Variants in RBFOX1 observed in about 807,000 individuals in gnomAD.
RBFOX1 encodes RNA binding protein fox-1 homolog 1.
Under a neutral mutation model 57.7 loss-of-function variants are expected in RBFOX1, and 8 were observed. The ratio of observed to expected loss-of-function variants is 0.14; its 90% CI spans 0.08 to 0.25. The LOEUF (loss-of-function observed/expected upper bound fraction) is 0.25, where lower values mean the gene tolerates loss of function less well. Among genes scored for constraint, RBFOX1 ranks in the 10% least tolerant of loss-of-function variants. The probability of loss-of-function intolerance (pLI) is 1.00; values close to 1 mark genes in which losing one functional copy is unlikely to be tolerated. For missense variants in RBFOX1, 611 were observed against 548.5 expected (o/e 1.11, Z -1.14); for synonymous variants, 326 against 222.4 (o/e 1.47, Z -4.15).
chr16:6,742,536 A>G (rs1475939549), intron 3 of RBFOX1, among the ~76,000 whole-genome samples: 1 of 152,182 alleles, frequency 6.6e-6, no homozygotes, highest in Non-Finnish European at 1.5e-5. Context: ...GCTATACACA[A>G]TTATTGTCAG....
chr16:7,332,968 G>C, intron 4 of RBFOX1: 1 of 1,612,826 alleles, frequency 6.2e-7, no homozygotes, highest in Non-Finnish European at 8.5e-7. Flanking sequence ...TTGATGTGTT[G>C]AGCTTCAGAG....
At chr16:6,376,957 A>C (rs2091252088) in intron 2 of RBFOX1, among the ~76,000 whole-genome samples, 1 of 150,866 alleles carries the variant, frequency 6.6e-6, no homozygotes, top group African/African-American at 2.4e-5. Context: ...CTGTCTCCAA[A>C]CTTCCTTCTT....
At chr16:6,030,657 C>A (rs140782749) in intron 1 of RBFOX1, among the ~76,000 whole-genome samples, 29 of 152,236 alleles carry the variant, frequency 1.9e-4, no homozygotes, top group African/African-American at 6.7e-4. Context: ...CTTTAAAACA[C>A]CAGGAACCCT....
intron 1 of RBFOX1, among the ~76,000 whole-genome samples, chr16:5,380,171 C>G (rs1230004000): frequency 6.6e-6 from 1 of 152,246 alleles, no homozygotes; most frequent in African/African-American, 2.4e-5. Flanking sequence ...TGACAGCATC[C>G]TCCGCCTGGC....
At chr16:6,663,873 A>G (rs1185580052) in intron 3 of RBFOX1, among the ~76,000 whole-genome samples, 1 of 152,214 alleles carries the variant, frequency 6.6e-6, no homozygotes, top group Admixed American at 6.5e-5. Flanking sequence ...TGGCATGACT[A>G]AGGAACTGAA....
intron 2 of RBFOX1, among the ~76,000 whole-genome samples, chr16:6,552,486 C>A (rs1056829315): frequency 2.6e-5 from 4 of 152,112 alleles, no homozygotes; most frequent in African/African-American, 9.7e-5. Flanking sequence ...ATACTACCTG[C>A]AAAGTATTCA....
At chr16:5,438,614 G>A (rs187155949) in intron 1 of RBFOX1, among the ~76,000 whole-genome samples, 4 of 152,070 alleles carry the variant, frequency 2.6e-5, no homozygotes, top group South Asian at 2.1e-4. Flanking sequence ...TAGACCACAC[G>A]GGTTTCACCT....
intron 5 of RBFOX1, among the ~76,000 whole-genome samples, chr16:7,525,099 C>T (rs567831599): frequency 8.5e-5 from 13 of 152,240 alleles, no homozygotes; most frequent in African/African-American, 3.1e-4. Context: ...AAGCATATGC[C>T]TGCTTGTCCT....
rs2098694067 is a variant in RBFOX1, at chr16:6,660,453, T to G, written c.-16+5803T>G. Among the ~76,000 whole-genome samples, 2 of 152,000 alleles carry G rather than the reference T, an allele frequency of 1.3e-5. 1 individual carries two copies. The highest frequency in any genetic ancestry group is 4.1e-4 in the South Asian group (2 of 4,824). On this transcript the variant is annotated intron_variant, in intron 3 of 15. Coordinates refer to ENST00000550418, the MANE Select transcript of RBFOX1 (RefSeq NM_018723.4). Reference sequence around the variant, plus strand: ...GTAATGGTTAGTAGCTCAGACAAATTAAGTCACTTGCCCAGGATTATTCAG... The same window carrying G: ...GTAATGGTTAGTAGCTCAGACAAATGAAGTCACTTGCCCAGGATTATTCAG...
chr16:6,672,307 A>G (rs181114870), intron 3 of RBFOX1, among the ~76,000 whole-genome samples: 1 of 152,094 alleles, frequency 6.6e-6, no homozygotes, highest in East Asian at 1.9e-4. Context: ...AATATAAAAT[A>G]ACCATACAAA....
intron 1 of RBFOX1, among the ~76,000 whole-genome samples, chr16:5,245,287 G>T (rs903919046): frequency 6.6e-6 from 1 of 152,204 alleles, no homozygotes; most frequent in Admixed American, 6.5e-5. Flanking sequence ...TCTCAGGGCT[G>T]ACAGTGTCAG....
intron 3 of RBFOX1, among the ~76,000 whole-genome samples, chr16:5,709,087 C>T (rs1251727679): frequency 6.6e-6 from 1 of 152,160 alleles, no homozygotes; most frequent in Non-Finnish European, 1.5e-5. Flanking sequence ...TCACATTCTA[C>T]TCTTGCCTAA....
At chr16:5,636,097 C>T in intron 3 of RBFOX1, among the ~76,000 whole-genome samples, 1 of 152,124 alleles carries the variant, frequency 6.6e-6, no homozygotes. Flanking sequence ...CCTGTAACCC[C>T]AGCACTTTGG....
chr16:7,161,730 T>A lies in RBFOX1; in HGVS notation c.27+109632T>A, dbSNP rs536225402. On this transcript the variant is annotated intron_variant, in intron 4 of 15. Transcript: ENST00000550418. ...TGTCCTTCATTTGAGCAGCTTCCTT[T>A]ATGACTCATCTTTCTAGAATCTTGC... Among the ~76,000 whole-genome samples the A allele has an allele frequency of 3.9e-5, 6 of 152,312 alleles. 1 individual carries two copies. In the South Asian group the frequency reaches 6.2e-4, roughly 16 times the overall value.
At chr16:7,025,046 GCAAGA>G (rs1435484966) in intron 3 of RBFOX1, among the ~76,000 whole-genome samples, 1 of 152,090 alleles carries the variant, frequency 6.6e-6, no homozygotes, top group Non-Finnish European at 1.5e-5. Context: ...CAGATCTCCC[GCAAGA>G]CAAGAGTTGA....
At chr16:5,334,087 G>A (rs1362370193) in intron 1 of RBFOX1, among the ~76,000 whole-genome samples, 1 of 152,194 alleles carries the variant, frequency 6.6e-6, no homozygotes, top group Non-Finnish European at 1.5e-5. Flanking sequence ...TACAGACTAA[G>A]AGTATTTAAG....
chr16:7,313,913 C>A (rs1400211342), intron 4 of RBFOX1, among the ~76,000 whole-genome samples: 1 of 152,176 alleles, frequency 6.6e-6, no homozygotes, highest in African/African-American at 2.4e-5. Flanking sequence ...GGAGAGACCT[C>A]TGCCAGGTTC....
At chr16:6,270,437 A>G (rs1263149718) in intron 1 of RBFOX1, among the ~76,000 whole-genome samples, 1 of 148,590 alleles carries the variant, frequency 6.7e-6, no homozygotes, top group Non-Finnish European at 1.5e-5. Context: ...TAGCTATATT[A>G]TCAGATAAAG....
In RBFOX1 at chr16:5,612,485, C is replaced by A. The variant is rs560483693; in HGVS notation, c.318+13524C>A. Among the ~76,000 whole-genome samples the A allele has an allele frequency of 1.5e-3, 233 of 152,294 alleles. 1 individual carries two copies. The highest frequency in any genetic ancestry group is 5.1e-3 in the African/African-American group (213 of 41,552). On this transcript the variant is annotated intron_variant, in intron 3 of 19. Transcript: ENST00000641259. ...GACAGAGATTGAGCAGATACTCATA[C>A]AAAAGTATATCTACAAATGAAGAAA...
Sources: allele counts gnomAD v4.1 joint callset (sites outside exome capture counted in the v4.1 genomes callset), GRCh38; gene constraint gnomAD v4.1.1; transcripts MANE v1.5; gene names NCBI Gene and HGNC (gene_info 2026-07-23, HGNC 2026-07-21).